The following THSD7B variants were observed in gnomAD, a reference collection of about 807,000 sequenced individuals.
THSD7B encodes the protein thrombospondin type 1 domain containing 7B, also known as thrombospondin type-1 domain-containing protein 7B.
In THSD7B, 138 loss-of-function variants were observed where a neutral mutation model predicts 213.6. The ratio of observed to expected loss-of-function variants is 0.65; its 90% CI spans 0.56 to 0.74. The LOEUF (loss-of-function observed/expected upper bound fraction) is 0.74. Among genes scored for constraint, THSD7B ranks in the 30% least tolerant of loss-of-function variants. THSD7B has a pLI of 0.00. For synonymous variants in THSD7B, 742 were observed against 687.0 expected, an observed-to-expected ratio of 1.08 and a Z score of -1.25; for missense variants, 1,931 against 1,991.5, an observed-to-expected ratio of 0.97 and a Z score of 0.58.
At chr2:136,921,219 CAA>C (rs778515013) in intron 2 of THSD7B, among the ~76,000 whole-genome samples, 161 of 96,462 alleles carry the variant, frequency 1.7e-3, no homozygotes, top group East Asian at 3.0e-3. Flanking sequence ...TCTGGACACT[CAA>C]AAAAAAAAAA....
intron 1 of THSD7B, among the ~76,000 whole-genome samples, chr2:136,859,506 T>G (rs1683227541): frequency 6.6e-6 from 1 of 152,184 alleles, no homozygotes; most frequent in Admixed American, 6.5e-5. Context: ...AACCAAGAGT[T>G]AAGGAACAGG....
chr2:137,051,576 G>A (rs1027699778), intron 2 of THSD7B, among the ~76,000 whole-genome samples: 1 of 152,100 alleles, frequency 6.6e-6, no homozygotes, highest in Non-Finnish European at 1.5e-5. Context: ...TGAGTGCTTT[G>A]ATTTAGTAAT....
At chr2:137,033,994 C>A (rs1012513256) in intron 2 of THSD7B, among the ~76,000 whole-genome samples, 1 of 151,786 alleles carries the variant, frequency 6.6e-6, no homozygotes, top group African/African-American at 2.4e-5. Flanking sequence ...TCCCGCCCCC[C>A]ATGTCCAAGT....
chr2:137,170,835 A>C lies in THSD7B; in HGVS notation c.1620A>C (p.Pro540=), dbSNP rs1186456817. 1 of 1,613,738 alleles carries C rather than the reference A, an allele frequency of 6.2e-7. No individual in the cohort carries two copies. Among genetic ancestry groups the C allele is most frequent in the Non-Finnish European group, 8.5e-7 (1 of 1,179,794 alleles). The change falls in exon 7 of 28, where the codon CCA becomes CCC. Residue 540 remains proline (P), a synonymous_variant. Coordinates refer to ENST00000409968, the MANE Select transcript of THSD7B (RefSeq NM_001316349.2). The part of the protein sequence containing the change: ...HLVESVPCED[P]MCYRWLASEG... ...TGGAGTCTGTTCCTTGTGAGGATCC[A>C]ATGTGCTACCGATGGCTGGCATCAG...
intron 15 of THSD7B, among the ~76,000 whole-genome samples, chr2:137,455,776 A>C (rs1275022998): frequency 6.6e-6 from 1 of 152,160 alleles, no homozygotes; most frequent in East Asian, 1.9e-4. Context: ...ATATATTTTA[A>C]TTTTTCACAG....
At chr2:137,565,992 C>T (rs571346062) in intron 16 of THSD7B, among the ~76,000 whole-genome samples, 1 of 152,094 alleles carries the variant, frequency 6.6e-6, no homozygotes, top group East Asian at 1.9e-4. Flanking sequence ...GCTGTATGTA[C>T]GTAATTACTT....
intron 6 of THSD7B, among the ~76,000 whole-genome samples, chr2:137,169,587 C>T (rs185961007): frequency 2.3e-4 from 35 of 152,044 alleles, no homozygotes; most frequent in African/African-American, 7.7e-4. Context: ...TTACTTACTC[C>T]GAGGAATAAA....
At chr2:136,853,064 G>A (rs1197944930) in intron 1 of THSD7B, among the ~76,000 whole-genome samples, 1 of 151,888 alleles carries the variant, frequency 6.6e-6, no homozygotes, top group Non-Finnish European at 1.5e-5. Flanking sequence ...GTGCATGTGT[G>A]TGTATGTGTT....
In THSD7B at chr2:137,034,278, G is replaced by T. The variant is rs376546463; in HGVS notation, c.140-22142G>T. ...TTCCTTACACCTTACGCTAATTTTT[G>T]TATTTTTAGTAGAGACGGGGTTTCA... On this transcript the variant is annotated intron_variant, in intron 2 of 27. Transcript: ENST00000409968. Among the ~76,000 whole-genome samples the T allele has an allele frequency of 2.0e-5, 3 of 152,124 alleles. No homozygotes were observed. The East Asian group carries it at 5.8e-4, about 30-fold the overall frequency.
chr2:137,459,274 T>C (rs1055645752), intron 15 of THSD7B, among the ~76,000 whole-genome samples: 2 of 152,174 alleles, frequency 1.3e-5, no homozygotes, highest in African/African-American at 2.4e-5. Flanking sequence ...AATATTAAGA[T>C]AAAGTGACAG....
In THSD7B at chr2:137,196,804, CATT is replaced by C. The variant is rs202119406; in HGVS notation, c.1723+25869_1723+25871del. 5.2e-3 allele frequency among the ~76,000 whole-genome samples: 791 copies of C among 152,230 alleles called. 19 individuals carry two copies. Among genetic ancestry groups the C allele is most frequent in the Admixed American group, 0.046 (710 of 15,272 alleles). On this transcript the variant is annotated intron_variant, in intron 7 of 27. Transcript: ENST00000409968. The stretch of plus-strand genomic sequence containing the variant: ...CTTGGATTCTGTCACGAAGATATCT[CATT>C]ATGCATATGCAAATATTCAAAAATT...
At chr2:136,823,273 G>A (rs995290778) in intron 1 of THSD7B, among the ~76,000 whole-genome samples, 4 of 152,172 alleles carry the variant, frequency 2.6e-5, no homozygotes, top group Non-Finnish European at 5.9e-5. Context: ...TACGATGTGG[G>A]CCATTAAAGT....
At chr2:137,498,360 G>C (rs1010906287) in intron 15 of THSD7B, among the ~76,000 whole-genome samples, 2 of 150,770 alleles carry the variant, frequency 1.3e-5, no homozygotes, top group Middle Eastern at 3.2e-3. Context: ...CATGTGGAAA[G>C]TATATTATCA....
intron 12 of THSD7B, among the ~76,000 whole-genome samples, chr2:137,401,950 A>C (rs1462737694): frequency 1.3e-5 from 2 of 152,190 alleles, no homozygotes; most frequent in African/African-American, 4.8e-5. Flanking sequence ...GAAGATGCAA[A>C]AATATTTTCT....
At position 136,855,590 on chromosome 2, in the gene THSD7B, TA is replaced by T. The variant is rs1342649156; in HGVS notation, c.-35-26553del. 1.2e-4 allele frequency among the ~76,000 whole-genome samples: 15 copies of T among 129,978 alleles called. No individual in the cohort carries two copies. The East Asian group carries it at 4.0e-3, about 35-fold the overall frequency. 85.3% of individuals were successfully genotyped at this position (129,978 alleles called of 152,430 possible). A position where few individuals can be genotyped will look rare whatever the true frequency, so the allele number is the denominator to read the frequency against. ...ACAGGTGCGTGCCACCGCATCCGGCTATTATTTATTTATTATTTATTTATTT... is the reference window on the plus strand; with the variant it reads ...ACAGGTGCGTGCCACCGCATCCGGCTTTATTTATTTATTATTTATTTATTT... On this transcript the variant is annotated intron_variant, in intron 1 of 27. Coordinates refer to ENST00000409968, the MANE Select transcript of THSD7B (RefSeq NM_001316349.2).
intron 20 of THSD7B, among the ~76,000 whole-genome samples, chr2:137,641,289 G>A (rs183659139): frequency 3.9e-5 from 6 of 152,126 alleles, no homozygotes; most frequent in Non-Finnish European, 5.9e-5. Context: ...ATCTCTTCAC[G>A]TGCTCCCTCC....
chr2:137,163,484 G>C (rs374063107), intron 6 of THSD7B, among the ~76,000 whole-genome samples: 3 of 152,136 alleles, frequency 2.0e-5, no homozygotes, highest in East Asian at 1.9e-4. Flanking sequence ...CAGAAGAAGA[G>C]AGGCCACATG....
At chr2:136,911,998 G>A (rs1005390607) in intron 2 of THSD7B, among the ~76,000 whole-genome samples, 5 of 152,132 alleles carry the variant, frequency 3.3e-5, no homozygotes, top group South Asian at 4.1e-4. Context: ...GTTGGATAGC[G>A]GAATGCAGGA....
intron 15 of THSD7B, among the ~76,000 whole-genome samples, chr2:137,555,247 C>A (rs1558837424): frequency 6.6e-6 from 1 of 152,196 alleles, no homozygotes; most frequent in South Asian, 2.1e-4. Context: ...ACTGCCTCCG[C>A]AAGTGGGTCC....
Sources: gnomAD v4.1 joint callset for allele counts (sites outside exome capture counted in the v4.1 genomes callset) on GRCh38, gnomAD v4.1.1 for gene constraint, MANE v1.5 for transcripts, NCBI Gene and HGNC (gene_info 2026-07-23, HGNC 2026-07-21) for gene names.